The following TAFA5 variants were observed in gnomAD, a reference collection of about 807,000 sequenced individuals.
TAFA5 encodes the protein TAFA chemokine like family member 5.
In TAFA5, 6 loss-of-function variants were observed where a neutral mutation model predicts 15.3. The ratio of observed to expected loss-of-function variants is 0.39; its 90% CI spans 0.21 to 0.77. The LOEUF is 0.77. Ranked by LOEUF, TAFA5 falls within the 30% of genes least tolerant of loss-of-function variation. The pLI, the probability that TAFA5 is intolerant of heterozygous loss-of-function variation, is 0.41. For missense variants in TAFA5, 161 were observed against 193.1 expected (o/e 0.83, Z 0.98); for synonymous variants, 103 against 80.7 (o/e 1.28, Z -1.48).
chr22:48,639,484 C>T (rs1343676246), intron 1 of TAFA5, among the ~76,000 whole-genome samples: 1 of 152,230 alleles, frequency 6.6e-6, no homozygotes, highest in East Asian at 1.9e-4. Context: ...GGTCTGCGCC[C>T]CACGGGTGGC....
intron 1 of TAFA5, among the ~76,000 whole-genome samples, chr22:48,630,749 C>CGAT (rs1926193765): frequency 1.3e-5 from 2 of 152,164 alleles, no homozygotes; most frequent in Non-Finnish European, 2.9e-5. Flanking sequence ...ATCACGGGGG[C>CGAT]GATGAGCCCC....
At chr22:48,579,523 G>A (rs996252179) in intron 1 of TAFA5, among the ~76,000 whole-genome samples, 3 of 152,346 alleles carry the variant, frequency 2.0e-5, no homozygotes, top group Admixed American at 1.3e-4. Flanking sequence ...CTTCCTTAGG[G>A]TGCAGACGAC....
chr22:48,689,265 C>T (rs1038754120), intron 2 of TAFA5, among the ~76,000 whole-genome samples: 3 of 152,274 alleles, frequency 2.0e-5, no homozygotes, highest in Admixed American at 6.5e-5. Context: ...AGCAGATGGA[C>T]GTAGACACGT....
At chr22:48,691,793 G>A (rs1385460827) in intron 2 of TAFA5, among the ~76,000 whole-genome samples, 1 of 152,216 alleles carries the variant, frequency 6.6e-6, no homozygotes, top group Non-Finnish European at 1.5e-5. Context: ...GGCTGACGTT[G>A]AGTCTCGTGG....
At chr22:48,667,807 A>G (rs1927672042) in intron 2 of TAFA5, among the ~76,000 whole-genome samples, 1 of 65,082 alleles carries the variant, frequency 1.5e-5, no homozygotes, top group Non-Finnish European at 2.6e-5. Context: ...CCGCGTCTTC[A>G]CCGGGAGCGT....
chr22:48,604,347 C>A (rs1359843749), intron 1 of TAFA5, among the ~76,000 whole-genome samples: 1 of 152,250 alleles, frequency 6.6e-6, no homozygotes, highest in Non-Finnish European at 1.5e-5. Flanking sequence ...ACCACTCAGA[C>A]ATGTCCTCTG....
intron 2 of TAFA5, among the ~76,000 whole-genome samples, chr22:48,673,477 T>G (rs907871300): frequency 2.0e-5 from 3 of 152,160 alleles, no homozygotes; most frequent in Non-Finnish European, 2.9e-5. Context: ...CCTCTGCCTC[T>G]GCAGCAGGCT....
At chr22:48,593,807 G>A (rs909835877) in intron 1 of TAFA5, among the ~76,000 whole-genome samples, 3 of 152,050 alleles carry the variant, frequency 2.0e-5, no homozygotes, top group East Asian at 1.9e-4. Context: ...GAGCTCCCCC[G>A]AGGCCAAGTC....
At chr22:48,642,351 A>G (rs770314215) in intron 1 of TAFA5, among the ~76,000 whole-genome samples, 11 of 152,148 alleles carry the variant, frequency 7.2e-5, no homozygotes, top group Non-Finnish European at 1.2e-4. Context: ...TCCAGACAGC[A>G]GGGACACCTC....
At chr22:48,700,239 C>T (rs2147245471) in intron 2 of TAFA5, among the ~76,000 whole-genome samples, 1 of 152,268 alleles carries the variant, frequency 6.6e-6, no homozygotes, top group African/African-American at 2.4e-5. Flanking sequence ...CCCCTAGGAA[C>T]ATAGGAGGGG....
At chr22:48,737,927 T>A (rs1930077414) in intron 3 of TAFA5, among the ~76,000 whole-genome samples, 1 of 152,116 alleles carries the variant, frequency 6.6e-6, no homozygotes, top group African/African-American at 2.4e-5. Flanking sequence ...GCGGTCACTG[T>A]GCAGCCCTGT....
At chr22:48,691,702 C>T (rs747936262) in intron 2 of TAFA5, among the ~76,000 whole-genome samples, 2 of 152,238 alleles carry the variant, frequency 1.3e-5, no homozygotes, top group South Asian at 2.1e-4. Flanking sequence ...TACGGGGCGC[C>T]TGCCCCTTGG....
At chr22:48,736,832 C>T (rs796301235) in intron 3 of TAFA5, among the ~76,000 whole-genome samples, 11 of 152,282 alleles carry the variant, frequency 7.2e-5, no homozygotes, top group East Asian at 5.8e-4. Context: ...GGGTCCAGGA[C>T]GGAGATGGGG....
rs183655664 is a variant in TAFA5, at chr22:48,503,695, G to T, written c.112+13991G>T. 7.2e-3 allele frequency among the ~76,000 whole-genome samples: 1,099 copies of T among 152,270 alleles called. 9 individuals carry two copies. Among genetic ancestry groups the T allele is most frequent in the Non-Finnish European group, 0.01 (691 of 67,992 alleles). ...CATTTGCTGAAGGTGGTCATTTTTTGATCTACTTTTGCTTCCATCATTTTG... is the reference window on the plus strand; with the variant it reads ...CATTTGCTGAAGGTGGTCATTTTTTTATCTACTTTTGCTTCCATCATTTTG... On this transcript the variant is annotated intron_variant, in intron 1 of 3. Transcript: ENST00000402357.
chr22:48,746,954 C>T (rs1930346174), intron 3 of TAFA5, among the ~76,000 whole-genome samples: 1 of 152,216 alleles, frequency 6.6e-6, no homozygotes. Context: ...TGGTGGCCAG[C>T]ACCTCCCTTC....
intron 3 of TAFA5, among the ~76,000 whole-genome samples, chr22:48,714,864 C>T (rs993489985): frequency 2.0e-5 from 3 of 152,184 alleles, no homozygotes; most frequent in Admixed American, 6.5e-5. Context: ...TCGAGGAGGC[C>T]CCTCTTTTGC....
intron 1 of TAFA5, chr22:48,576,245 C>T (rs890324082): frequency 6.5e-6 from 3 of 461,056 alleles, no homozygotes; most frequent in Non-Finnish European, 9.9e-6. Context: ...ACCTCCCCGC[C>T]CCCGCCCGCC....
intron 1 of TAFA5, among the ~76,000 whole-genome samples, chr22:48,641,599 C>A (rs1014720971): frequency 6.9e-6 from 1 of 145,680 alleles, no homozygotes; most frequent in African/African-American, 2.5e-5. Context: ...CCACCCCACA[C>A]GCCCTCCGCT....
At position 48,681,861 on chromosome 22, in the gene TAFA5, C is replaced by T. The variant is rs1390964995; in HGVS notation, c.263-25856C>T. Among the ~76,000 whole-genome samples, 3 of 120,962 alleles carry T rather than the reference C, an allele frequency of 2.5e-5. 1 individual carries two copies. Among genetic ancestry groups the T allele is most frequent in the East Asian group, 2.1e-4 (1 of 4,870 alleles). 79.4% of individuals were successfully genotyped at this position (120,962 alleles called of 152,430 possible). On this transcript the variant is annotated intron_variant, in intron 2 of 3. Coordinates refer to ENST00000402357, the MANE Select transcript of TAFA5 (RefSeq NM_001082967.3). ...CCTGCTTGATCAAACACCAGCACCC[C>T]GTCGTTGGGGGCTGGACATTGAGGG...
Sources: allele counts gnomAD v4.1 joint callset (sites outside exome capture counted in the v4.1 genomes callset), GRCh38; gene constraint gnomAD v4.1.1; transcripts MANE v1.5; gene names NCBI Gene and HGNC (gene_info 2026-07-23, HGNC 2026-07-21).